Variants in STX8 observed in about 807,000 individuals in gnomAD.
STX8 encodes syntaxin 8, also known as syntaxin-8.
In STX8, 23 loss-of-function variants were observed where a neutral mutation model predicts 37.5. The observed-to-expected ratio is 0.61, with a 90% CI of 0.44 to 0.87. The LOEUF is 0.87. Among genes scored for constraint, STX8 ranks in the 40% least tolerant of loss-of-function variants. The pLI is 0.00. For synonymous variants in STX8, 115 were observed against 99.1 expected (o/e 1.16, Z -0.95); for missense variants, 313 against 284.7 (o/e 1.10, Z -0.71).
intron 3 of STX8, among the ~76,000 whole-genome samples, chr17:9,545,982 T>G (rs532121387): frequency 5.0e-4 from 76 of 152,312 alleles, no homozygotes; most frequent in African/African-American, 1.8e-3. Flanking sequence ...TTCCAGGGCA[T>G]TTTCCTACAT....
At chr17:9,559,760 A>ATATTT in intron 2 of STX8, among the ~76,000 whole-genome samples, 346 of 24,492 alleles carry the variant, frequency 0.014, 11 homozygotes, top group Non-Finnish European at 0.017. Context: ...ATATATATAT[A>ATATTT]TTTTTTTTTT....
chr17:9,269,963 A>G (rs1440088052), intron 7 of STX8, among the ~76,000 whole-genome samples: 1 of 152,212 alleles, frequency 6.6e-6, no homozygotes, highest in Non-Finnish European at 1.5e-5. Context: ...TCTGTATACT[A>G]AACACATGCG....
intron 7 of STX8, among the ~76,000 whole-genome samples, chr17:9,261,603 G>A (rs182640725): frequency 1.3e-3 from 203 of 152,276 alleles, no homozygotes; most frequent in Non-Finnish European, 1.7e-3. Flanking sequence ...TGAATAGTTT[G>A]TAGGCCCCAT....
At chr17:9,542,004 A>ATTTC (rs1906295697) in intron 4 of STX8, among the ~76,000 whole-genome samples, 2 of 144,180 alleles carry the variant, frequency 1.4e-5, no homozygotes, top group African/African-American at 5.1e-5. Flanking sequence ...AAACATTTGT[A>ATTTC]TTTTTTTTTT....
At chr17:9,316,554 A>G (rs1165495970) in intron 7 of STX8, among the ~76,000 whole-genome samples, 1 of 152,232 alleles carries the variant, frequency 6.6e-6, no homozygotes, top group African/African-American at 2.4e-5. Context: ...ATGTGGCGGT[A>G]CTGCGAGGGT....
intron 4 of STX8, among the ~76,000 whole-genome samples, chr17:9,511,118 A>G (rs143953679): frequency 1.2e-4 from 19 of 152,298 alleles, no homozygotes; most frequent in Non-Finnish European, 2.5e-4. Context: ...AATCAATAAT[A>G]TAATCTGCCA....
At chr17:9,404,499 C>T (rs950371547) in intron 6 of STX8, among the ~76,000 whole-genome samples, 5 of 151,732 alleles carry the variant, frequency 3.3e-5, no homozygotes, top group Non-Finnish European at 5.9e-5. Context: ...TCTGTCACCA[C>T]GCTGGAGTGC....
chr17:9,280,485 T>C (rs1447809428), intron 7 of STX8, among the ~76,000 whole-genome samples: 1 of 152,106 alleles, frequency 6.6e-6, no homozygotes, highest in Non-Finnish European at 1.5e-5. Flanking sequence ...CCTGGGAGGC[T>C]GAGGTTGCAG....
chr17:9,563,152 CATTT>C (rs55853449), intron 2 of STX8, among the ~76,000 whole-genome samples: 49,602 of 141,784 alleles, frequency 0.35, 9,350 homozygotes, highest in Non-Finnish European at 0.42. Context: ...TTCATTCATC[CATTT>C]ATTTATTTAT....
At chr17:9,385,433 A>G (rs8068505) in intron 6 of STX8, among the ~76,000 whole-genome samples, 5,566 of 152,282 alleles carry the variant, frequency 0.037, 342 homozygotes, top group African/African-American at 0.13. Context: ...TAGTATTTGT[A>G]TCTAGAGTAT....
chr17:9,274,846 G>T (rs1407261385), intron 7 of STX8, among the ~76,000 whole-genome samples: 1 of 143,246 alleles, frequency 7.0e-6, no homozygotes, highest in South Asian at 2.4e-4. Flanking sequence ...CACCTCCCAG[G>T]TTCAAGCAAT....
chr17:9,379,452 A>G (rs1911716775), intron 6 of STX8, among the ~76,000 whole-genome samples: 1 of 152,210 alleles, frequency 6.6e-6, no homozygotes, highest in Non-Finnish European at 1.5e-5. Context: ...AGGTCACAAC[A>G]GTACAATGTA....
intron 5 of STX8, 67 bp downstream of exon 5, chr17:9,504,969 GTC>G (rs2142499435): frequency 1.2e-5 from 1 of 84,360 alleles, no homozygotes; most frequent in Non-Finnish European, 2.0e-5. Context: ...GCAAGACTCC[GTC>G]TCAAAAAAAA....
At chr17:9,427,630 C>A (rs1014961781) in intron 6 of STX8, among the ~76,000 whole-genome samples, 1 of 152,042 alleles carries the variant, frequency 6.6e-6, no homozygotes, top group African/African-American at 2.4e-5. Flanking sequence ...GCTGTGGCTG[C>A]GGCTGCCTCG....
At chr17:9,257,101 T>C (rs1458696485) in intron 7 of STX8, among the ~76,000 whole-genome samples, 6 of 152,154 alleles carry the variant, frequency 3.9e-5, no homozygotes, top group Admixed American at 2.0e-4. Context: ...TCCCTTCCAA[T>C]ACTCAAGAGT....
At chr17:9,393,822 T>C (rs933650449) in intron 6 of STX8, among the ~76,000 whole-genome samples, 1 of 152,102 alleles carries the variant, frequency 6.6e-6, no homozygotes, top group African/African-American at 2.4e-5. Flanking sequence ...TGTCAGGAGT[T>C]AGGAATGGGT....
intron 7 of STX8, among the ~76,000 whole-genome samples, chr17:9,355,612 C>T (rs1351114531): frequency 1.3e-5 from 2 of 151,624 alleles, no homozygotes; most frequent in East Asian, 3.9e-4. Context: ...AAGCGATTCT[C>T]CTGCCTCAGC....
At chr17:9,321,002 C>T (rs566408072) in intron 7 of STX8, among the ~76,000 whole-genome samples, 3 of 149,458 alleles carry the variant, frequency 2.0e-5, no homozygotes, top group Non-Finnish European at 4.4e-5. Flanking sequence ...TTATCAACAG[C>T]TGATAGAAAT....
chr17:9,328,875 C>A (rs920098394), intron 7 of STX8, among the ~76,000 whole-genome samples: 1 of 151,830 alleles, frequency 6.6e-6, no homozygotes, highest in Non-Finnish European at 1.5e-5. Context: ...CATGGTGCAA[C>A]TCCATCTCTA....
Sources: allele counts gnomAD v4.1 joint callset (sites outside exome capture counted in the v4.1 genomes callset), GRCh38; gene constraint gnomAD v4.1.1; transcripts MANE v1.5; gene names NCBI Gene and HGNC (gene_info 2026-07-23, HGNC 2026-07-21).